Variants in SNTG2 observed in about 807,000 individuals in gnomAD.
SNTG2 encodes the protein gamma-2-syntrophin.
Under a neutral mutation model 70.9 loss-of-function variants are expected in SNTG2, and 74 were observed. The ratio of observed to expected loss-of-function variants is 1.04; its 90% CI spans 0.86 to 1.27. The LOEUF is 1.27. Among genes scored for constraint, SNTG2 ranks in the 50% most tolerant of loss-of-function variants. The probability of loss-of-function intolerance (pLI) is 0.00; values close to 1 mark genes in which losing one functional copy is unlikely to be tolerated. For missense variants in SNTG2, 717 were observed against 690.7 expected, an observed-to-expected ratio of 1.04 and a Z score of -0.43; for synonymous variants, 278 against 273.8, an observed-to-expected ratio of 1.02 and a Z score of -0.15.
chr2:1,128,392 T>A (rs1376033549), intron 4 of SNTG2, among the ~76,000 whole-genome samples: 1 of 152,270 alleles, frequency 6.6e-6, no homozygotes, highest in South Asian at 2.1e-4. Flanking sequence ...CATAAAAAAA[T>A]TTGAAAAATG....
chr2:1,295,709 T>C (rs888658378), intron 14 of SNTG2, among the ~76,000 whole-genome samples: 3 of 150,894 alleles, frequency 2.0e-5, no homozygotes, highest in African/African-American at 7.3e-5. Flanking sequence ...GTCTCCCGTA[T>C]TGGGGAGGGA....
At chr2:1,070,462 T>C (rs1330644965) in intron 1 of SNTG2, among the ~76,000 whole-genome samples, 1 of 152,202 alleles carries the variant, frequency 6.6e-6, no homozygotes, top group Non-Finnish European at 1.5e-5. Context: ...GCTCATGAGC[T>C]TCTTAGCAGA....
intron 16 of SNTG2, among the ~76,000 whole-genome samples, chr2:1,351,314 C>T (rs1660558872): frequency 6.6e-6 from 1 of 152,030 alleles, no homozygotes; most frequent in African/African-American, 2.4e-5. Context: ...TTGCACAAGT[C>T]AGATGTTTTT....
At chr2:1,033,471 T>C (rs1180761191) in intron 1 of SNTG2, among the ~76,000 whole-genome samples, 1 of 152,218 alleles carries the variant, frequency 6.6e-6, no homozygotes, top group African/African-American at 2.4e-5. Flanking sequence ...ACTACAGCTG[T>C]GAGGCCGCTG....
intron 1 of SNTG2, among the ~76,000 whole-genome samples, chr2:990,999 C>T (rs570019953): frequency 6.6e-6 from 1 of 151,956 alleles, no homozygotes. Flanking sequence ...ATTTACTGAC[C>T]TTTCTTTCAA....
chr2:1,256,311 C>G (rs116668915), intron 12 of SNTG2: 1 of 152,078 alleles, frequency 6.6e-6, no homozygotes, highest in Non-Finnish European at 1.5e-5. Flanking sequence ...TAGACACACA[C>G]GCACACACAT....
At chr2:1,063,991 T>G (rs1662991469) in intron 1 of SNTG2, among the ~76,000 whole-genome samples, 1 of 152,102 alleles carries the variant, frequency 6.6e-6, no homozygotes, top group African/African-American at 2.4e-5. Flanking sequence ...AAGCATATAA[T>G]AATCAAACTG....
At chr2:1,077,132 G>T (rs1663969504) in intron 1 of SNTG2, among the ~76,000 whole-genome samples, 1 of 152,102 alleles carries the variant, frequency 6.6e-6, no homozygotes, top group Non-Finnish European at 1.5e-5. Context: ...GGTGTGAAAT[G>T]AACACCTTGC....
At chr2:1,056,277 A>T (rs1286059324) in intron 1 of SNTG2, among the ~76,000 whole-genome samples, 2 of 29,204 alleles carry the variant, frequency 6.8e-5, no homozygotes, top group Non-Finnish European at 1.2e-4. Flanking sequence ...AGGGAGGGAG[A>T]GGCCGCGCCG....
At chr2:1,090,672 C>T (rs1664960196) in intron 2 of SNTG2, among the ~76,000 whole-genome samples, 2 of 152,146 alleles carry the variant, frequency 1.3e-5, no homozygotes, top group South Asian at 4.1e-4. Context: ...GCCCCCCTTC[C>T]CTGATTCTTC....
intron 16 of SNTG2, among the ~76,000 whole-genome samples, chr2:1,346,745 T>C (rs774760963): frequency 2.6e-5 from 4 of 152,124 alleles, no homozygotes; most frequent in African/African-American, 7.2e-5. Context: ...GCTGACAGAA[T>C]CTCATGTGAA....
At chr2:1,056,243 GGC>G (rs1662389006) in intron 1 of SNTG2, among the ~76,000 whole-genome samples, 1 of 130,996 alleles carries the variant, frequency 7.6e-6, no homozygotes. Context: ...GGGAGGGAGA[GGC>G]CGCACTGTGC....
intron 1 of SNTG2, among the ~76,000 whole-genome samples, chr2:1,078,685 G>A (rs916082579): frequency 6.6e-6 from 1 of 152,170 alleles, no homozygotes; most frequent in African/African-American, 2.4e-5. Flanking sequence ...TTTTAACAGG[G>A]CCGCCCAGCT....
At chr2:1,178,187 G>C (rs1486987961) in intron 8 of SNTG2, among the ~76,000 whole-genome samples, 6 of 152,158 alleles carry the variant, frequency 3.9e-5, no homozygotes, top group Non-Finnish European at 7.4e-5. Context: ...CTCTCTTGTA[G>C]AGACGATTTA....
chr2:1,123,605 T>TAGAAGAGAACGTTGG lies in SNTG2; in HGVS notation c.326-14009_326-13995dup, dbSNP rs1449795058. 3.9e-5 allele frequency among the ~76,000 whole-genome samples: 6 copies of TAGAAGAGAACGTTGG among 152,152 alleles called. No homozygotes were observed. The South Asian group carries it at 1.0e-3, about 26-fold the overall frequency. ...GTAAGATCAGAAGCCATAAAACTCC[T>TAGAAGAGAACGTTGG]AGAAGAGAACGTTGGAGAAGAGCTC... On this transcript the variant is annotated intron_variant, in intron 4 of 16. Transcript: ENST00000308624.
chr2:1,203,690 A>ATATATATATGTGTG (rs150383929), intron 8 of SNTG2, among the ~76,000 whole-genome samples: 5 of 141,298 alleles, frequency 3.5e-5, no homozygotes, highest in African/African-American at 1.3e-4. Flanking sequence ...ATATATATAT[A>ATATATATATGTGTG]TGTGTGTGTG....
intron 1 of SNTG2, among the ~76,000 whole-genome samples, chr2:1,074,647 C>G (rs1663803325): frequency 6.6e-6 from 1 of 152,190 alleles, no homozygotes; most frequent in Admixed American, 6.5e-5. Flanking sequence ...AAAGCTTACT[C>G]TGTATCTGAC....
At chr2:1,094,037 CAGCTTCCT>C (rs1665212422) in intron 2 of SNTG2, among the ~76,000 whole-genome samples, 2 of 80,690 alleles carry the variant, frequency 2.5e-5, no homozygotes, top group Admixed American at 2.8e-4. Context: ...TGGCAAGGGC[CAGCTTCCT>C]GGCTTGCAGG....
chr2:1,053,585 T>G (rs1181122013), intron 1 of SNTG2, among the ~76,000 whole-genome samples: 1 of 151,808 alleles, frequency 6.6e-6, no homozygotes, highest in South Asian at 2.1e-4. Flanking sequence ...TTTTATTGTT[T>G]TCCACTTTGG....
Sources: allele counts gnomAD v4.1 joint callset (sites outside exome capture counted in the v4.1 genomes callset), GRCh38; gene constraint gnomAD v4.1.1; transcripts MANE v1.5; gene names NCBI Gene and HGNC (gene_info 2026-07-23, HGNC 2026-07-21).